The following RIMS1 variants were observed in gnomAD, a reference collection of about 807,000 sequenced individuals.
RIMS1 encodes regulating synaptic membrane exocytosis protein 1.
RIMS1 carries 83 observed loss-of-function variants against 214.1 expected under a neutral mutation model. The observed-to-expected ratio is 0.39, with a 90% CI of 0.32 to 0.47. The LOEUF is 0.47. Among genes scored for constraint, RIMS1 ranks in the 20% least tolerant of loss-of-function variants. The pLI, the probability that RIMS1 is intolerant of heterozygous loss-of-function variation, is 0.99. For missense variants in RIMS1, 2,050 were observed against 2,161.8 expected (o/e 0.95, Z 1.03); for synonymous variants, 793 against 786.8 (o/e 1.01, Z -0.13).
chr6:71,903,599 A>G (rs1774387791), intron 1 of RIMS1, among the ~76,000 whole-genome samples: 1 of 152,184 alleles, frequency 6.6e-6, no homozygotes, highest in African/African-American at 2.4e-5. Flanking sequence ...TTTGCAACCT[A>G]TCAATCTGAC....
chr6:72,252,778 G>T lies in RIMS1; in HGVS notation c.2716G>T (p.Asp906Tyr), dbSNP rs1386490289. Reference protein sequence around the residue: ...KKLQRSQRISDSDISDYEVDD... With the variant: ...KKLQRSQRISYSDISDYEVDD... ...TTGTGCAGGATCTCAGCGAATCAGT[G>T]ATAGTGACATCTCAGATTATGAGGT... is the stretch of plus-strand genomic sequence containing the variant. Residue 906 changes from aspartate to tyrosine, a missense_variant, in exon 16 of 34, where the codon GAT (aspartate) becomes TAT (tyrosine). Asp to Tyr is a radical substitution (Grantham distance 160, BLOSUM62 -3). Transcript: ENST00000521978. The T allele has an allele frequency of 3.8e-6, 6 of 1,559,496 alleles. No individual in the cohort carries two copies. Among genetic ancestry groups the T allele is most frequent in the Non-Finnish European group, 4.3e-6 (5 of 1,150,506 alleles).
intron 4 of RIMS1, among the ~76,000 whole-genome samples, chr6:72,169,077 AAAT>A: frequency 6.6e-6 from 1 of 152,332 alleles, no homozygotes; most frequent in Middle Eastern, 3.4e-3. Flanking sequence ...CATATATAGT[AAAT>A]AAGAAGATAA....
At chr6:71,902,811 G>A (rs568978259) in intron 1 of RIMS1, among the ~76,000 whole-genome samples, 1 of 152,192 alleles carries the variant, frequency 6.6e-6, no homozygotes, top group Admixed American at 6.6e-5. Context: ...GTTTGCTGAG[G>A]ATAATGGCTT....
Position 72,284,128 on chromosome 6 carries a change from G to T in RIMS1, c.3554+10G>T. 6.2e-7 allele frequency: 1 copy of T among 1,609,910 alleles called. No homozygotes were observed. Among genetic ancestry groups the T allele is most frequent in the East Asian group, 2.2e-5 (1 of 44,832 alleles). On this transcript the variant is annotated intron_variant, in intron 24 of 33. Coordinates refer to ENST00000521978, the MANE Select transcript of RIMS1 (RefSeq NM_014989.7). ...CCTCTGATGCAGAAAGGTAGGCTTG[G>T]TGTTGTGGTGTGCTGACATCTTCCA...
chr6:72,098,635 C>T (rs2032651981), intron 3 of RIMS1, among the ~76,000 whole-genome samples: 1 of 152,032 alleles, frequency 6.6e-6, no homozygotes, highest in Non-Finnish European at 1.5e-5. Flanking sequence ...CTGTTACTAC[C>T]TCTGTGGCTT....
intron 6 of RIMS1, among the ~76,000 whole-genome samples, chr6:72,230,212 A>G (rs1589757770): frequency 6.6e-6 from 1 of 151,774 alleles, no homozygotes; most frequent in Admixed American, 6.6e-5. Flanking sequence ...TGAAATTGCT[A>G]TTCATTGCTG....
chr6:72,316,957 G>C, intron 28 of RIMS1: 1 of 642,384 alleles, frequency 1.6e-6, no homozygotes, highest in Admixed American at 2.1e-5. Context: ...CCAGGCCCTA[G>C]GCTCTGTGGA....
chr6:72,068,364 C>A (rs1371584726), intron 2 of RIMS1, among the ~76,000 whole-genome samples: 2 of 151,862 alleles, frequency 1.3e-5, no homozygotes, highest in Non-Finnish European at 2.9e-5. Flanking sequence ...TTTTTGTCCA[C>A]AAAAAAATCA....
intron 6 of RIMS1, among the ~76,000 whole-genome samples, chr6:72,199,628 T>C (rs928033004): frequency 6.6e-6 from 1 of 152,076 alleles, no homozygotes; most frequent in African/African-American, 2.4e-5. Context: ...ATATGAATAG[T>C]CTTATGTAAA....
chr6:71,906,416 G>A (rs1562165223), intron 1 of RIMS1, among the ~76,000 whole-genome samples: 1 of 152,166 alleles, frequency 6.6e-6, no homozygotes, highest in African/African-American at 2.4e-5. Context: ...ACTCCATGCA[G>A]TTGGTGTGAC....
At chr6:72,149,161 G>A (rs1490982762) in intron 4 of RIMS1, among the ~76,000 whole-genome samples, 1 of 152,112 alleles carries the variant, frequency 6.6e-6, no homozygotes, top group Admixed American at 6.5e-5. Context: ...TTTAATTGCT[G>A]CATCCTCCCT....
intron 2 of RIMS1, among the ~76,000 whole-genome samples, chr6:72,007,066 GC>G (rs964555803): frequency 2.0e-5 from 3 of 152,092 alleles, no homozygotes; most frequent in African/African-American, 4.8e-5. Context: ...TAACTGGGAG[GC>G]CCCCCCAAGT....
chr6:72,322,819 C>T (rs1322792765), intron 28 of RIMS1, among the ~76,000 whole-genome samples: 1 of 152,046 alleles, frequency 6.6e-6, no homozygotes, highest in Non-Finnish European at 1.5e-5. Flanking sequence ...AAATAAATTT[C>T]ACAATTCAGG....
chr6:72,379,405 A>C (rs2154416722), intron 29 of RIMS1, among the ~76,000 whole-genome samples: 1 of 152,382 alleles, frequency 6.6e-6, no homozygotes, highest in Admixed American at 6.5e-5. Flanking sequence ...TCCTTAACTT[A>C]GAAGATAGGA....
At chr6:72,137,331 A>T (rs1386001248) in intron 4 of RIMS1, among the ~76,000 whole-genome samples, 1 of 152,144 alleles carries the variant, frequency 6.6e-6, no homozygotes, top group East Asian at 1.9e-4. Flanking sequence ...GAAGGTATAC[A>T]TTTCTCACAT....
chr6:72,020,625 G>T (rs760880243), intron 2 of RIMS1, among the ~76,000 whole-genome samples: 1 of 152,110 alleles, frequency 6.6e-6, no homozygotes, highest in Non-Finnish European at 1.5e-5. Flanking sequence ...TATTTCAATG[G>T]TATTTGATGG....
intron 29 of RIMS1, among the ~76,000 whole-genome samples, chr6:72,379,068 A>G (rs1054006092): frequency 2.0e-5 from 3 of 152,248 alleles, no homozygotes; most frequent in African/African-American, 7.2e-5. Flanking sequence ...CTGAAGCTAC[A>G]GAACTGAGAG....
rs1037860506 is a variant in RIMS1 at position 72,254,918 on chromosome 6, G to T, written c.2770+2086G>T. ...AAAGCAATATTTTTCAAATAATATT[G>T]TTCATTTTTATTTAGCATTTAAAAA... On this transcript the variant is annotated intron_variant, in intron 16 of 33. Transcript: ENST00000521978. 2.4e-4 allele frequency among the ~76,000 whole-genome samples: 36 copies of T among 152,018 alleles called. 1 individual carries two copies. Among genetic ancestry groups the T allele is most frequent in the African/African-American group, 8.7e-4 (36 of 41,388 alleles).
intron 4 of RIMS1, among the ~76,000 whole-genome samples, chr6:72,105,747 GAATA>G: frequency 6.6e-6 from 1 of 152,036 alleles, no homozygotes; most frequent in African/African-American, 2.4e-5. Context: ...TTATATTAAA[GAATA>G]AATAGAATTC....
Sources: gnomAD v4.1 joint callset for allele counts (sites outside exome capture counted in the v4.1 genomes callset) on GRCh38, gnomAD v4.1.1 for gene constraint, MANE v1.5 for transcripts, NCBI Gene and HGNC (gene_info 2026-07-23, HGNC 2026-07-21) for gene names.